Variants in GHR observed in about 807,000 individuals in gnomAD.
GHR encodes GH receptor.
In GHR, 35 loss-of-function variants were observed where a neutral mutation model predicts 67.1. That is an observed-to-expected ratio of 0.52 (90% CI 0.40 to 0.69). GHR has a LOEUF of 0.69. Among genes scored for constraint, GHR ranks in the 30% least tolerant of loss-of-function variants. GHR has a pLI of 0.00. For synonymous variants in GHR, 272 were observed against 269.1 expected (o/e 1.01, Z -0.10); for missense variants, 792 against 764.6 (o/e 1.04, Z -0.42).
chr5:42,715,630 T>C (rs1284940677), intron 8 of GHR, among the ~76,000 whole-genome samples: 4 of 152,222 alleles, frequency 2.6e-5, no homozygotes, highest in Admixed American at 6.5e-5. Flanking sequence ...CAGCCTAAAA[T>C]AGAATTTCCA....
intron 1 of GHR, among the ~76,000 whole-genome samples, chr5:42,525,797 T>C (rs538422626): frequency 6.6e-6 from 1 of 152,296 alleles, no homozygotes; most frequent in South Asian, 2.1e-4. Context: ...TCTCCTGAGA[T>C]CTGAGGGGTT....
chr5:42,543,375 T>A (rs953536252), intron 1 of GHR, among the ~76,000 whole-genome samples: 1 of 152,162 alleles, frequency 6.6e-6, no homozygotes, highest in African/African-American at 2.4e-5. Flanking sequence ...CATATCATTA[T>A]GGTTTTAATT....
At chr5:42,585,129 T>C (rs1440891751) in intron 2 of GHR, among the ~76,000 whole-genome samples, 1 of 152,188 alleles carries the variant, frequency 6.6e-6, no homozygotes, top group Admixed American at 6.5e-5. Context: ...TGTGCAATAG[T>C]TTAAGCCCCT....
chr5:42,554,546 A>T (rs969714797), intron 1 of GHR, among the ~76,000 whole-genome samples: 33 of 152,278 alleles, frequency 2.2e-4, no homozygotes, highest in African/African-American at 7.5e-4. Context: ...CTGCCTTGTG[A>T]GTAATAATAA....
At chr5:42,672,118 T>A (rs1756345970) in intron 3 of GHR, among the ~76,000 whole-genome samples, 1 of 152,084 alleles carries the variant, frequency 6.6e-6, no homozygotes, top group Non-Finnish European at 1.5e-5. Flanking sequence ...GTTGTATTCA[T>A]GACAGTACTT....
At chr5:42,554,045 T>C (rs1351655415) in intron 1 of GHR, among the ~76,000 whole-genome samples, 1 of 152,188 alleles carries the variant, frequency 6.6e-6, no homozygotes, top group Non-Finnish European at 1.5e-5. Context: ...AAAAGTTATA[T>C]AGCACATTTG....
intron 3 of GHR, among the ~76,000 whole-genome samples, chr5:42,636,472 C>CT (rs1754200918): frequency 6.6e-6 from 1 of 152,046 alleles, no homozygotes; most frequent in Non-Finnish European, 1.5e-5. Flanking sequence ...TGGTTGTGAC[C>CT]TTTGAGTTCT....
At chr5:42,647,811 T>C in intron 3 of GHR, 1 of 328,042 alleles carries the variant, frequency 3.0e-6, no homozygotes, top group Non-Finnish European at 5.9e-6. Context: ...GTATACCAAA[T>C]GTCTATTTGA....
chr5:42,564,309 AT>A (rs967346861), intron 1 of GHR, among the ~76,000 whole-genome samples: 1 of 85,292 alleles, frequency 1.2e-5, no homozygotes. Context: ...TGTGAGATTT[AT>A]TTGAAATCTC....
rs573460218 is a variant in GHR at position 42,441,749 on chromosome 5, T to A, written c.-12+17794T>A. On this transcript the variant is annotated intron_variant, in intron 1 of 9. Transcript: ENST00000230882. ...TGGTCTCGATCTCCTGACCTCATGA[T>A]TCGCCTGCCTTGGCCTCCCAAAGTG... Among the ~76,000 whole-genome samples, 7 of 152,284 alleles carry A rather than the reference T, an allele frequency of 4.6e-5. No individual in the cohort carries two copies. In the East Asian group the frequency reaches 9.7e-4, roughly 21 times the overall value.
chr5:42,662,301 C>A (rs1334423172), intron 3 of GHR, among the ~76,000 whole-genome samples: 4 of 152,184 alleles, frequency 2.6e-5, no homozygotes, highest in Non-Finnish European at 5.9e-5. Context: ...ACAGAATATA[C>A]ATTTTTTTCA....
intron 1 of GHR, chr5:42,468,911 G>GCAAT: frequency 3.3e-6 from 2 of 607,430 alleles, no homozygotes; most frequent in Non-Finnish European, 5.4e-6. Context: ...GCAGCGGGCT[G>GCAAT]CGCCGAGCCA....
At chr5:42,617,329 C>A (rs952698176) in intron 2 of GHR, among the ~76,000 whole-genome samples, 1 of 151,346 alleles carries the variant, frequency 6.6e-6, no homozygotes, top group Non-Finnish European at 1.5e-5. Context: ...TCTAAATGGT[C>A]ACATATTATT....
At chr5:42,634,836 G>A (rs1372964623) in intron 3 of GHR, among the ~76,000 whole-genome samples, 3 of 152,070 alleles carry the variant, frequency 2.0e-5, no homozygotes, top group Non-Finnish European at 2.9e-5. Flanking sequence ...TCCTACTCCT[G>A]CCTGCGGCCC....
At position 42,622,997 on chromosome 5, in the gene GHR, A is replaced by G. The variant is rs1000779570; in HGVS notation, c.71-6041A>G. On this transcript the variant is annotated intron_variant, in intron 2 of 9. Coordinates refer to ENST00000230882, the MANE Select transcript of GHR (RefSeq NM_000163.5). ...CATCAGCAAAACCCTAAGTGCACAA[A>G]GTCTAATGTAAACACAATGTCAAGT... Among the ~76,000 whole-genome samples the G allele has an allele frequency of 4.6e-5, 7 of 152,276 alleles. No individual in the cohort carries two copies. In the South Asian group the frequency reaches 1.5e-3, roughly 32 times the overall value.
intron 3 of GHR, among the ~76,000 whole-genome samples, chr5:42,679,347 C>T (rs1756739780): frequency 1.3e-5 from 2 of 151,478 alleles, no homozygotes; most frequent in Admixed American, 1.3e-4. Flanking sequence ...AAATTTTGGG[C>T]TGGGCATGGT....
intron 3 of GHR, among the ~76,000 whole-genome samples, chr5:42,647,275 A>G (rs1453954872): frequency 1.3e-5 from 2 of 152,104 alleles, no homozygotes; most frequent in Non-Finnish European, 2.9e-5. Context: ...GTGCAATGAT[A>G]TTAATAATAT....
chr5:42,474,680 G>A (rs546483690), intron 1 of GHR, among the ~76,000 whole-genome samples: 11 of 152,220 alleles, frequency 7.2e-5, no homozygotes, highest in South Asian at 2.1e-4. Context: ...CTAAGAACAC[G>A]AAGAGGAACA....
intron 1 of GHR, among the ~76,000 whole-genome samples, chr5:42,425,806 T>C (rs185092375): frequency 4.6e-5 from 7 of 152,328 alleles, no homozygotes; most frequent in Non-Finnish European, 2.9e-5. Flanking sequence ...AGTTGGTGTG[T>C]CAACATTTAG....
Sources: allele counts gnomAD v4.1 joint callset (sites outside exome capture counted in the v4.1 genomes callset), GRCh38; gene constraint gnomAD v4.1.1; transcripts MANE v1.5; gene names NCBI Gene and HGNC (gene_info 2026-07-23, HGNC 2026-07-21).